Variants in ARNT observed in about 807,000 individuals in gnomAD.
The protein encoded by ARNT is class E basic helix-loop-helix protein 2.
Under a neutral mutation model 105.0 loss-of-function variants are expected in ARNT, and 30 were observed. The ratio of observed to expected loss-of-function variants is 0.29; its 90% CI spans 0.21 to 0.39. The LOEUF (loss-of-function observed/expected upper bound fraction) is 0.39, where lower values mean the gene tolerates loss of function less well. ARNT is among the 10% of genes least tolerant of loss of function. ARNT has a pLI of 1.00. For missense variants in ARNT, 748 were observed against 978.7 expected, an observed-to-expected ratio of 0.76 and a Z score of 3.15; for synonymous variants, 304 against 344.0, an observed-to-expected ratio of 0.88 and a Z score of 1.29.
chr1:150,826,684 GC>G, intron 12 of ARNT, 67 bp from the exon 13 acceptor site: 11 of 1,257,780 alleles, frequency 8.7e-6, no homozygotes, highest in South Asian at 5.3e-5. Flanking sequence ...CGCTCTTGTT[GC>G]CCAGGCTGGA....
intron 5 of ARNT, 141 bp from the exon 6 acceptor site, chr1:150,839,795 T>A: frequency 1.1e-6 from 1 of 894,072 alleles, no homozygotes; most frequent in Non-Finnish European, 1.7e-6. Context: ...GCAGTTAAAA[T>A]AAGGTTTGCC....
intron 19 of ARNT, among the ~76,000 whole-genome samples, chr1:150,815,304 T>C (rs1395639503): frequency 6.6e-6 from 1 of 152,086 alleles, no homozygotes; most frequent in African/African-American, 2.4e-5. Flanking sequence ...ATCCCAGCAC[T>C]TTGGGAGGCC....
intron 17 of ARNT, 94 bp downstream of exon 17, chr1:150,816,988 G>C: frequency 1.2e-6 from 2 of 1,604,086 alleles, no homozygotes; most frequent in Non-Finnish European, 8.5e-7. Context: ...TGATTAAGTG[G>C]AAAAACACTG....
At chr1:150,868,910 T>A (rs587642770) in intron 1 of ARNT, among the ~76,000 whole-genome samples, 2 of 139,756 alleles carry the variant, frequency 1.4e-5, no homozygotes, top group South Asian at 4.6e-4. Context: ...AAAATAATAA[T>A]AAAATTTAAA....
intron 3 of ARNT, among the ~76,000 whole-genome samples, chr1:150,849,841 G>A (rs1032097557): frequency 6.6e-6 from 1 of 152,114 alleles, no homozygotes; most frequent in African/African-American, 2.4e-5. Context: ...GAGGCAGGTG[G>A]ACCACTTAAG....
At chr1:150,850,941 C>G (rs1663290949) in intron 3 of ARNT, among the ~76,000 whole-genome samples, 1 of 151,526 alleles carries the variant, frequency 6.6e-6, no homozygotes, top group Non-Finnish European at 1.5e-5. Flanking sequence ...ACGACCCCGT[C>G]TGGGAGGTGA....
intron 7 of ARNT, 131 bp from the exon 8 acceptor site, chr1:150,834,771 C>A: frequency 1.5e-6 from 1 of 651,700 alleles, no homozygotes; most frequent in Non-Finnish European, 2.6e-6. Context: ...ACAGAACTGA[C>A]CAAGCAGGAG....
In ARNT at chr1:150,868,765, T is replaced by C. The variant is rs112079016; in HGVS notation, c.25+7778A>G. ...AAACACAAAAATTAGCCAGGCGCGG[T>C]GGCACGTGCCTGTAGTCCCAGCTAC... is the stretch of plus-strand genomic sequence containing the variant. On this transcript the variant is annotated intron_variant, in intron 1 of 21. Transcript: ENST00000358595. 2.1e-3 allele frequency among the ~76,000 whole-genome samples: 324 copies of C among 152,000 alleles called. 1 individual carries two copies. The highest frequency in any genetic ancestry group is 3.0e-3 in the Non-Finnish European group (205 of 67,964).
intron 3 of ARNT, among the ~76,000 whole-genome samples, chr1:150,852,227 T>G (rs1269184372): frequency 6.6e-6 from 1 of 152,190 alleles, no homozygotes; most frequent in East Asian, 1.9e-4. Flanking sequence ...AACATATGAC[T>G]TGCTTTGGCC....
rs764602038 is a variant in ARNT, at chr1:150,817,035, A to G, written c.1699+47T>C. ...ACTGGGCAGTGGCATGCCCATCAGT[A>G]AGTGATCTAAATGAGAATTTAAAAG... On this transcript the variant is annotated intron_variant, in intron 17 of 21. Coordinates refer to ENST00000358595, the MANE Select transcript of ARNT (RefSeq NM_001668.4). The G allele has an allele frequency of 2.0e-5, 32 of 1,612,880 alleles. No individual in the cohort carries two copies. The East Asian group carries it at 6.0e-4, about 30-fold the overall frequency.
At chr1:150,847,091 C>A (rs1351200959) in intron 3 of ARNT, among the ~76,000 whole-genome samples, 1 of 152,130 alleles carries the variant, frequency 6.6e-6, no homozygotes, top group African/African-American at 2.4e-5. Flanking sequence ...GTGCAAATAT[C>A]TCTTCAAGAT....
intron 3 of ARNT, among the ~76,000 whole-genome samples, chr1:150,849,534 C>A (rs751059210): frequency 6.6e-5 from 10 of 152,080 alleles, no homozygotes; most frequent in Non-Finnish European, 1.2e-4. Flanking sequence ...GCCTGTAATC[C>A]CAACACTTTG....
chr1:150,852,708 T>A (rs1315057641), intron 3 of ARNT, 54 bp downstream of exon 3: 4 of 1,524,044 alleles, frequency 2.6e-6, no homozygotes, highest in Non-Finnish European at 3.6e-6. Flanking sequence ...AGTATAAAGA[T>A]CATAAACTAA....
intron 1 of ARNT, among the ~76,000 whole-genome samples, chr1:150,862,712 TAAAAAAA>T (rs56147665): frequency 1.5e-5 from 1 of 66,600 alleles, no homozygotes; most frequent in African/African-American, 6.1e-5. Context: ...CCTGCCTCTG[TAAAAAAA>T]AAAAAAAAAA....
intron 5 of ARNT, among the ~76,000 whole-genome samples, chr1:150,840,650 C>A (rs1165844068): frequency 2.0e-5 from 3 of 152,130 alleles, no homozygotes; most frequent in African/African-American, 7.2e-5. Context: ...ATATGGGTCC[C>A]CAGTCTGGGA....
intron 3 of ARNT, among the ~76,000 whole-genome samples, chr1:150,851,265 G>A (rs1490516953): frequency 4.6e-5 from 5 of 108,796 alleles, no homozygotes; most frequent in East Asian, 5.8e-4. Context: ...CCCAGCCGCC[G>A]CCCCGTCCGG....
Position 150,816,497 on chromosome 1 carries a change from C to T in ARNT, c.1803-91G>A. ...GGACAATCTAGTGCTATCCCTAGAT[C>T]CCCTTGACTTCCTGCAGGTTAAGGA... On this transcript the variant is annotated intron_variant, in intron 18 of 21. Transcript: ENST00000358595. 3 of 1,408,456 alleles carry T rather than the reference C, an allele frequency of 2.1e-6. No homozygotes were observed. In the South Asian group the frequency reaches 4.2e-5, roughly 20 times the overall value. 87.2% of individuals were successfully genotyped at this position (1,408,456 alleles called of 1,614,324 possible).
At chr1:150,825,979 T>G (rs1405943404) in intron 13 of ARNT, among the ~76,000 whole-genome samples, 1 of 151,970 alleles carries the variant, frequency 6.6e-6, no homozygotes, top group Non-Finnish European at 1.5e-5. Context: ...AGTGGCATGA[T>G]CTCAGTTCAC....
chr1:150,869,840 A>AC (rs973524740), intron 1 of ARNT, among the ~76,000 whole-genome samples: 5 of 152,116 alleles, frequency 3.3e-5, no homozygotes, highest in African/African-American at 1.2e-4. Flanking sequence ...GGTATGAGCC[A>AC]CCACACTCAG....
Sources: allele counts gnomAD v4.1 joint callset (sites outside exome capture counted in the v4.1 genomes callset), GRCh38; gene constraint gnomAD v4.1.1; transcripts MANE v1.5; gene names NCBI Gene and HGNC (gene_info 2026-07-23, HGNC 2026-07-21).